Variants in ABI1 observed in about 807,000 individuals in gnomAD.
ABI1 encodes abl interactor 1, also known as Abelson interactor 1.
ABI1 carries 14 observed loss-of-function variants against 54.6 expected under a neutral mutation model. That is an observed-to-expected ratio of 0.26 (90% CI 0.17 to 0.40). The LOEUF (loss-of-function observed/expected upper bound fraction) is 0.40. ABI1 is among the 10% of genes least tolerant of loss of function. The pLI is 1.00. For synonymous variants in ABI1, 194 were observed against 209.3 expected, an observed-to-expected ratio of 0.93 and a Z score of 0.63; for missense variants, 443 against 598.3, an observed-to-expected ratio of 0.74 and a Z score of 2.71.
chr10:26,858,537 GAAAAAA>G lies in ABI1; in HGVS notation c.117+2204_117+2209del, dbSNP rs60132421. Among the ~76,000 whole-genome samples the G allele has an allele frequency of 1.8e-3, 170 of 94,264 alleles. 1 individual carries two copies. Among genetic ancestry groups the G allele is most frequent in the African/African-American group, 6.0e-3 (162 of 27,118 alleles). 61.8% of individuals were successfully genotyped at this position (94,264 alleles called of 152,430 possible). ...ACCCCACCCCGCCCCCACAAAAAAA[GAAAAAA>G]AAAAAAAAAAAAAAAAAAAACGGGG... On this transcript the variant is annotated intron_variant, in intron 1 of 10. Coordinates refer to ENST00000376140, the MANE Select transcript of ABI1 (RefSeq NM_001012750.3).
chr10:26,855,050 A>G (rs1301248817), intron 1 of ABI1, among the ~76,000 whole-genome samples: 1 of 152,160 alleles, frequency 6.6e-6, no homozygotes, highest in East Asian at 1.9e-4. Context: ...ACTATTCTGG[A>G]TTTCAGATTT....
At chr10:26,782,503 T>C (rs1842234814) in intron 2 of ABI1, among the ~76,000 whole-genome samples, 1 of 151,904 alleles carries the variant, frequency 6.6e-6, no homozygotes, top group Non-Finnish European at 1.5e-5. Flanking sequence ...GGCGGGCAGA[T>C]CACAAGGTCA....
At chr10:26,844,708 C>T (rs1290182492) in intron 1 of ABI1, among the ~76,000 whole-genome samples, 2 of 152,222 alleles carry the variant, frequency 1.3e-5, no homozygotes, top group African/African-American at 4.8e-5. Flanking sequence ...TCTGTGACTG[C>T]AAATTACCTT....
chr10:26,798,985 A>C (rs1214234189), intron 2 of ABI1, among the ~76,000 whole-genome samples: 2 of 152,192 alleles, frequency 1.3e-5, no homozygotes, highest in African/African-American at 4.8e-5. Context: ...AGAAAGGAGA[A>C]AAAAGAGACA....
At chr10:26,828,259 G>A (rs1305771956) in intron 1 of ABI1, among the ~76,000 whole-genome samples, 1 of 152,196 alleles carries the variant, frequency 6.6e-6, no homozygotes, top group African/African-American at 2.4e-5. Flanking sequence ...CATCTCACAT[G>A]AGTGCAGTTT....
At chr10:26,788,583 G>A (rs1246976683) in intron 2 of ABI1, among the ~76,000 whole-genome samples, 2 of 152,086 alleles carry the variant, frequency 1.3e-5, no homozygotes, top group African/African-American at 4.8e-5. Context: ...CAATTTTTAA[G>A]AACTCCTCAA....
intron 10 of ABI1, among the ~76,000 whole-genome samples, chr10:26,750,606 G>A (rs1297372913): frequency 1.3e-5 from 2 of 152,274 alleles, no homozygotes; most frequent in East Asian, 1.9e-4. Context: ...CTTAAAGTCC[G>A]TTAACCCAGT....
intron 2 of ABI1, among the ~76,000 whole-genome samples, chr10:26,783,031 C>T (rs1842322953): frequency 6.6e-6 from 1 of 152,176 alleles, no homozygotes; most frequent in East Asian, 1.9e-4. Flanking sequence ...TTATTCACAA[C>T]AGCCAAAAGA....
At chr10:26,795,393 G>A (rs919464165) in intron 2 of ABI1, among the ~76,000 whole-genome samples, 2 of 152,064 alleles carry the variant, frequency 1.3e-5, no homozygotes, top group African/African-American at 4.8e-5. Flanking sequence ...AGAAGTACTA[G>A]CAAGAGCCAT....
chr10:26,848,638 T>A (rs2050171898), intron 1 of ABI1, among the ~76,000 whole-genome samples: 1 of 136,874 alleles, frequency 7.3e-6, no homozygotes, highest in Non-Finnish European at 1.5e-5. Flanking sequence ...AGACAGAGTC[T>A]CGCTCTATCA....
intron 1 of ABI1, among the ~76,000 whole-genome samples, chr10:26,858,247 A>C (rs1213856981): frequency 6.6e-6 from 1 of 152,140 alleles, no homozygotes. Context: ...AGACCTCAAC[A>C]GACACCCTAA....
intron 9 of ABI1, among the ~76,000 whole-genome samples, chr10:26,753,909 A>G (rs1837944579): frequency 6.6e-6 from 1 of 152,200 alleles, no homozygotes; most frequent in South Asian, 2.1e-4. Context: ...AATAATGTAC[A>G]CTAATACTGG....
rs1240558166 is a variant in ABI1, at chr10:26,746,619, T to TA, written c.*1950dup. ...TATTGATGGGCAATTTATTTTTTTT[T>TA]ATTGCAAAAGTTTTTTCAGAAAACT... On this transcript the variant is annotated 3_prime_UTR_variant, in exon 11 of 11. Coordinates refer to ENST00000376140, the MANE Select transcript of ABI1 (RefSeq NM_001012750.3). 2.3e-6 allele frequency: 2 copies of TA among 865,242 alleles called. No individual in the cohort carries two copies. The highest frequency in any genetic ancestry group is 1.7e-5 in the African/African-American group (1 of 58,532). 53.6% of individuals were successfully genotyped at this position (865,242 alleles called of 1,614,324 possible).
chr10:26,813,861 T>C (rs2133613389), intron 2 of ABI1, among the ~76,000 whole-genome samples: 1 of 152,356 alleles, frequency 6.6e-6, no homozygotes, highest in African/African-American at 2.4e-5. Context: ...ATGAGTTAAA[T>C]ACTTTTTAAA....
chr10:26,830,170 T>C (rs995151264), intron 1 of ABI1, among the ~76,000 whole-genome samples: 2 of 152,232 alleles, frequency 1.3e-5, no homozygotes, highest in African/African-American at 4.8e-5. Context: ...GTTTCTCCAT[T>C]TATCAGCTGA....
Position 26,860,316 on chromosome 10 carries a change from C to T in ABI1, c.117+431G>A, listed in dbSNP as rs1388885658. Among the ~76,000 whole-genome samples the T allele has an allele frequency of 1.3e-5, 2 of 152,154 alleles. No homozygotes were observed. Among genetic ancestry groups the T allele is most frequent in the Non-Finnish European group, 2.9e-5 (2 of 68,034 alleles). Reference sequence around the variant, plus strand: ...TCGTCCCTGCCCTCTCCTCTCCCCTCTCCCGTCCTGGACCTCCTCTCCCGG... The same window carrying T: ...TCGTCCCTGCCCTCTCCTCTCCCCTTTCCCGTCCTGGACCTCCTCTCCCGG... On this transcript the variant is annotated intron_variant, in intron 1 of 10. Transcript: ENST00000376140. This position sits in a 1 kb window ranked among gnomAD's most constrained non-coding sequence, Gnocchi z 4.1.
At chr10:26,799,579 G>C (rs1367766190) in intron 2 of ABI1, among the ~76,000 whole-genome samples, 2 of 152,216 alleles carry the variant, frequency 1.3e-5, no homozygotes, top group African/African-American at 2.4e-5. Flanking sequence ...TTAGAACAGT[G>C]ATTCTGACTG....
intron 2 of ABI1, among the ~76,000 whole-genome samples, chr10:26,816,099 C>T (rs938452644): frequency 6.6e-6 from 1 of 152,104 alleles, no homozygotes; most frequent in Non-Finnish European, 1.5e-5. Flanking sequence ...TTAAGTTTAT[C>T]CACAGACTAC....
intron 2 of ABI1, among the ~76,000 whole-genome samples, chr10:26,795,658 CA>C (rs140253669): frequency 2.7e-5 from 4 of 148,448 alleles, no homozygotes; most frequent in Admixed American, 1.3e-4. Flanking sequence ...TGATAGCATC[CA>C]AAAAAAAATA....
Sources: allele counts gnomAD v4.1 joint callset (sites outside exome capture counted in the v4.1 genomes callset), GRCh38; gene constraint gnomAD v4.1.1; non-coding constraint Gnocchi (gnomAD v3.1); transcripts MANE v1.5; gene names NCBI Gene and HGNC (gene_info 2026-07-23, HGNC 2026-07-21).